Variants in EZR observed in about 807,000 individuals in gnomAD.
The protein encoded by EZR is ezrin.
A neutral mutation model predicts 74.8 loss-of-function variants in EZR; 40 were observed. The observed-to-expected ratio is 0.53, with a 90% CI of 0.42 to 0.70. The LOEUF (loss-of-function observed/expected upper bound fraction) is 0.70, where lower values mean the gene tolerates loss of function less well. Among genes scored for constraint, EZR ranks in the 30% least tolerant of loss-of-function variants. The pLI, the probability that EZR is intolerant of heterozygous loss-of-function variation, is 0.00. For missense variants in EZR, 678 were observed against 755.8 expected (o/e 0.90, Z 1.21); for synonymous variants, 341 against 283.3 (o/e 1.20, Z -2.05).
At chr6:158,791,023 C>T (rs1791729340) in intron 2 of EZR, among the ~76,000 whole-genome samples, 1 of 152,146 alleles carries the variant, frequency 6.6e-6, no homozygotes, top group Non-Finnish European at 1.5e-5. Context: ...GCCAGGGAAC[C>T]AGAAATATTA....
At position 158,816,794 on chromosome 6, in the gene EZR, A is replaced by C. The variant is rs186739331; in HGVS notation, c.12+1288T>G. On this transcript the variant is annotated intron_variant, in intron 2 of 13. Coordinates refer to ENST00000367075, the MANE Select transcript of EZR (RefSeq NM_001111077.2). ...TAGAGAACATAAAATGTAACAGAAG[A>C]AGCACACAAGGCCGGGTGTGGTGGC... Among the ~76,000 whole-genome samples the C allele has an allele frequency of 1.8e-3, 270 of 152,342 alleles. 1 individual carries two copies. Among genetic ancestry groups the C allele is most frequent in the African/African-American group, 5.4e-3 (225 of 41,574 alleles).
chr6:158,768,598 G>A (rs1207837204), intron 12 of EZR, among the ~76,000 whole-genome samples: 1 of 152,160 alleles, frequency 6.6e-6, no homozygotes. Flanking sequence ...AGTCTCCAGT[G>A]GGAACCATCC....
intron 2 of EZR, among the ~76,000 whole-genome samples, chr6:158,810,718 G>A (rs1189507732): frequency 3.3e-5 from 5 of 151,990 alleles, no homozygotes; most frequent in African/African-American, 9.7e-5. Flanking sequence ...AACTTTACCC[G>A]TTTATAGGAA....
intron 4 of EZR, 104 bp downstream of exon 4, chr6:158,787,004 A>G: frequency 1.1e-6 from 1 of 916,770 alleles, no homozygotes; most frequent in Non-Finnish European, 1.7e-6. Flanking sequence ...ACACAAACAA[A>G]AAGGAACAGA....
chr6:158,813,606 G>C (rs115548528), intron 2 of EZR, among the ~76,000 whole-genome samples: 2,352 of 152,300 alleles, frequency 0.015, 52 homozygotes, highest in African/African-American at 0.053. Flanking sequence ...GGGATTGTGA[G>C]GGGGGAGTAC....
chr6:158,769,971 T>C (rs745392413), intron 10 of EZR, 27 bp from the exon 11 acceptor site: 25 of 1,604,438 alleles, frequency 1.6e-5, no homozygotes, highest in Non-Finnish European at 2.0e-5. Context: ...CCAGAGCCAT[T>C]CAAACCCTCA....
At chr6:158,783,462 C>T in intron 7 of EZR, 58 bp downstream of exon 7, 1 of 1,514,708 alleles carries the variant, frequency 6.6e-7, no homozygotes, top group Admixed American at 2.0e-5. Context: ...TGCCATTTTG[C>T]CATTGTTTCC....
At chr6:158,778,117 A>G (rs562349265) in intron 7 of EZR, among the ~76,000 whole-genome samples, 1 of 152,304 alleles carries the variant, frequency 6.6e-6, no homozygotes, top group East Asian at 1.9e-4. Flanking sequence ...CTTCTGGAGC[A>G]CTTTCTCCCA....
In EZR at chr6:158,803,545, G is replaced by T. The variant is rs9457467; in HGVS notation, c.13-14174C>A. Among the ~76,000 whole-genome samples the T allele has an allele frequency of 2.9e-3, 32 of 11,196 alleles. 2 individuals are homozygous for T. The highest frequency in any genetic ancestry group is 4.5e-3 in the Non-Finnish European group (28 of 6,222). 7.3% of individuals were successfully genotyped at this position (11,196 alleles called of 152,430 possible). A position where few individuals can be genotyped will look rare whatever the true frequency, so the allele number is the denominator to read the frequency against. The stretch of plus-strand genomic sequence containing the variant: ...TGTAACATTATATATATATATATAT[G>T]TATATATATATATATATATATATAT... On this transcript the variant is annotated intron_variant, in intron 2 of 13. Transcript: ENST00000367075.
chr6:158,781,926 A>T (rs905748924), intron 7 of EZR, among the ~76,000 whole-genome samples: 1 of 151,162 alleles, frequency 6.6e-6, no homozygotes, highest in African/African-American at 2.5e-5. Context: ...TAGCCAGCTA[A>T]TTTTTTAAAT....
rs1178285980 is a variant in EZR at position 158,818,107 on chromosome 6, T to G, written c.-14A>C. 1.9e-6 allele frequency: 3 copies of G among 1,607,812 alleles called. No individual in the cohort carries two copies. Among genetic ancestry groups the G allele is most frequent in the Non-Finnish European group, 2.6e-6 (3 of 1,175,848 alleles). ...TGGTTTCGGCATTTTCGGTTTCTGG[T>G]GAGTATCCTCGATCCCCGAAAACAC... On this transcript the variant is annotated 5_prime_UTR_variant, in exon 2 of 14. Coordinates refer to ENST00000367075, the MANE Select transcript of EZR (RefSeq NM_001111077.2).
chr6:158,808,637 C>T (rs755009305), intron 2 of EZR, among the ~76,000 whole-genome samples: 2 of 152,230 alleles, frequency 1.3e-5, no homozygotes, highest in African/African-American at 2.4e-5. Flanking sequence ...CATGTGCCAT[C>T]TTAGCAGGCA....
chr6:158,811,963 C>T (rs1777459356), intron 2 of EZR, among the ~76,000 whole-genome samples: 1 of 152,066 alleles, frequency 6.6e-6, no homozygotes, highest in Non-Finnish European at 1.5e-5. Context: ...TCTCTTACTT[C>T]CCTACCATTT....
chr6:158,803,096 A>AG (rs1197788163), intron 2 of EZR, among the ~76,000 whole-genome samples: 1 of 152,030 alleles, frequency 6.6e-6, no homozygotes, highest in African/African-American at 2.4e-5. Flanking sequence ...CACCACCATT[A>AG]GGCTAAACTT....
chr6:158,807,105 G>T (rs1005882732), intron 2 of EZR, among the ~76,000 whole-genome samples: 2 of 152,122 alleles, frequency 1.3e-5, no homozygotes, highest in African/African-American at 4.8e-5. Flanking sequence ...GAGGTCAGGA[G>T]ATCAAGACTG....
At chr6:158,811,296 A>T (rs372891916) in intron 2 of EZR, among the ~76,000 whole-genome samples, 1 of 151,932 alleles carries the variant, frequency 6.6e-6, no homozygotes, top group Non-Finnish European at 1.5e-5. Flanking sequence ...AAATGCATTC[A>T]CTGACTTTGA....
intron 8 of EZR, among the ~76,000 whole-genome samples, chr6:158,776,007 C>G (rs936633420): frequency 7.2e-5 from 11 of 152,124 alleles, no homozygotes; most frequent in Non-Finnish European, 1.5e-4. Flanking sequence ...TCTGACTGTC[C>G]CTATCTTGGG....
chr6:158,817,002 T>C (rs1431699901), intron 2 of EZR, among the ~76,000 whole-genome samples: 3 of 152,120 alleles, frequency 2.0e-5, no homozygotes, highest in African/African-American at 7.2e-5. Context: ...GGAGATTCGC[T>C]TGAACCTGAG....
chr6:158,783,545 G>C lies in EZR; in HGVS notation c.673C>G (p.Leu225Val), dbSNP rs1469741617. 6.2e-7 allele frequency: 1 copy of C among 1,612,958 alleles called. No individual in the cohort carries two copies. The highest frequency in any genetic ancestry group is 8.5e-7 in the Non-Finnish European group (1 of 1,179,738). Residue 225 changes from leucine to valine, a missense_variant, in exon 7 of 14, where the codon CTG becomes GTG. Transcript: ENST00000367075. Reference sequence around the variant, plus strand: ...TTATCATCTTTCTCATAAATATTCAGTCCAAGGGCATCAACTCCAAGCCAA... The same window carrying C: ...TTATCATCTTTCTCATAAATATTCACTCCAAGGGCATCAACTCCAAGCCAA... Reference protein sequence around the residue: ...DLWLGVDALGLNIYEKDDKLT... With the variant: ...DLWLGVDALGVNIYEKDDKLT...
Sources: gnomAD v4.1 joint callset for allele counts (sites outside exome capture counted in the v4.1 genomes callset) on GRCh38, gnomAD v4.1.1 for gene constraint, MANE v1.5 for transcripts, NCBI Gene and HGNC (gene_info 2026-07-23, HGNC 2026-07-21) for gene names.